The following CFAP299 variants were observed in gnomAD, a reference collection of about 807,000 sequenced individuals.
CFAP299 encodes the protein cilia- and flagella-associated protein 299.
CFAP299 carries 21 observed loss-of-function variants against 27.0 expected under a neutral mutation model. That is an observed-to-expected ratio of 0.78 (90% confidence interval 0.55 to 1.12). The LOEUF is 1.12. Ranked by LOEUF, CFAP299 falls within the 50% of genes most tolerant of loss-of-function variation. The probability of loss-of-function intolerance (pLI) is 0.00; values close to 1 mark genes in which losing one functional copy is unlikely to be tolerated. For synonymous variants in CFAP299, 104 were observed against 98.1 expected (o/e 1.06, Z -0.36); for missense variants, 310 against 276.6 (o/e 1.12, Z -0.86).
chr4:80,562,744 A>G (rs1355328985), intron 2 of CFAP299, among the ~76,000 whole-genome samples: 1 of 151,002 alleles, frequency 6.6e-6, no homozygotes, highest in East Asian at 1.9e-4. Flanking sequence ...ATAAAAAGAC[A>G]TAGAGTGGAT....
At chr4:80,500,801 C>A (rs1263456070) in intron 2 of CFAP299, among the ~76,000 whole-genome samples, 1 of 152,050 alleles carries the variant, frequency 6.6e-6, no homozygotes, top group Non-Finnish European at 1.5e-5. Flanking sequence ...ACAGACTGTT[C>A]TGGGCTAGGT....
intron 4 of CFAP299, among the ~76,000 whole-genome samples, chr4:80,877,355 G>T (rs920351648): frequency 1.3e-5 from 2 of 152,150 alleles, no homozygotes; most frequent in Non-Finnish European, 2.9e-5. Flanking sequence ...GCCATATACT[G>T]TGCATATAAC....
chr4:80,766,415 T>C (rs935841185), intron 3 of CFAP299, among the ~76,000 whole-genome samples: 2 of 152,200 alleles, frequency 1.3e-5, no homozygotes, highest in Non-Finnish European at 2.9e-5. Context: ...AATTAAATTT[T>C]ATCTCCTTTA....
Position 80,498,979 on chromosome 4 carries a change from C to A in CFAP299, c.243-84114C>A, listed in dbSNP as rs147398461. ...TGGAGCTGGAGGCCATTATCCTAAG[C>A]AAACTAATGCAGGAACAGAAAACAA... On this transcript the variant is annotated intron_variant, in intron 2 of 5. Transcript: ENST00000358105. 8.4e-3 allele frequency among the ~76,000 whole-genome samples: 1,276 copies of A among 152,186 alleles called. 12 individuals are homozygous for A. The highest frequency in any genetic ancestry group is 0.029 in the African/African-American group (1,190 of 41,524).
At chr4:80,333,357 C>A (rs77791039), upstream of CFAP299, among the ~76,000 whole-genome samples, 1 of 152,178 alleles carries the variant, frequency 6.6e-6, no homozygotes, top group African/African-American at 2.4e-5. Context: ...AGTTAACAAG[C>A]AGCTAGGCAA....
chr4:80,589,368 T>G (rs1482188725), intron 3 of CFAP299, among the ~76,000 whole-genome samples: 1 of 152,186 alleles, frequency 6.6e-6, no homozygotes, highest in African/African-American at 2.4e-5. Context: ...ATTACTTCCA[T>G]GTGATTAGTT....
intron 2 of CFAP299, among the ~76,000 whole-genome samples, chr4:80,457,702 C>G (rs1030850218): frequency 2.0e-5 from 3 of 152,160 alleles, no homozygotes; most frequent in African/African-American, 7.2e-5. Context: ...TCTATAACCA[C>G]ATGCTACTGT....
intron 3 of CFAP299, among the ~76,000 whole-genome samples, chr4:80,770,752 C>T (rs1726166133): frequency 6.6e-6 from 1 of 152,168 alleles, no homozygotes; most frequent in Non-Finnish European, 1.5e-5. Flanking sequence ...TTCCCAACCT[C>T]CCTCAGGTAG....
At chr4:80,757,932 C>G (rs976387006) in intron 3 of CFAP299, among the ~76,000 whole-genome samples, 2 of 152,092 alleles carry the variant, frequency 1.3e-5, no homozygotes, top group Non-Finnish European at 2.9e-5. Context: ...CATGGGTGAG[C>G]AGGTGAAGGA....
chr4:80,746,083 G>C (rs984932039), intron 3 of CFAP299, among the ~76,000 whole-genome samples: 11 of 151,974 alleles, frequency 7.2e-5, no homozygotes, highest in African/African-American at 1.7e-4. Flanking sequence ...CTTTTCTATA[G>C]ATAGAGAATT....
chr4:80,888,661 G>C (rs1244462782), intron 4 of CFAP299, among the ~76,000 whole-genome samples: 1 of 152,010 alleles, frequency 6.6e-6, no homozygotes, highest in Non-Finnish European at 1.5e-5. Context: ...AATGGCTGAA[G>C]AATACACATT....
At chr4:80,464,438 G>A (rs1473847497) in intron 2 of CFAP299, among the ~76,000 whole-genome samples, 3 of 152,194 alleles carry the variant, frequency 2.0e-5, no homozygotes, top group African/African-American at 7.2e-5. Flanking sequence ...GTATAGCCAT[G>A]AGTGTCTTTT....
chr4:80,909,806 C>G (rs1735376913), intron 4 of CFAP299, among the ~76,000 whole-genome samples: 1 of 151,978 alleles, frequency 6.6e-6, no homozygotes, highest in Admixed American at 6.6e-5. Context: ...CAGAAAGCAG[C>G]ATGCTTTAGA....
intron 4 of CFAP299, among the ~76,000 whole-genome samples, chr4:80,889,656 A>G (rs1734154098): frequency 6.6e-6 from 1 of 152,092 alleles, no homozygotes; most frequent in African/African-American, 2.4e-5. Context: ...CCAAAACCAG[A>G]CAAAAACATA....
At chr4:80,937,014 CT>C (rs1354786626) in intron 4 of CFAP299, among the ~76,000 whole-genome samples, 1 of 151,910 alleles carries the variant, frequency 6.6e-6, no homozygotes, top group Non-Finnish European at 1.5e-5. Flanking sequence ...CATTTTCTGG[CT>C]GGGTGATCTA....
intron 3 of CFAP299, among the ~76,000 whole-genome samples, chr4:80,593,149 G>A (rs1348159343): frequency 6.6e-6 from 1 of 152,132 alleles, no homozygotes; most frequent in Non-Finnish European, 1.5e-5. Flanking sequence ...CTATTCTTTG[G>A]ACCAACTGTA....
intron 5 of CFAP299, among the ~76,000 whole-genome samples, chr4:80,960,073 A>G (rs2109868711): frequency 6.6e-6 from 1 of 151,828 alleles, no homozygotes; most frequent in South Asian, 2.1e-4. Context: ...TTATAAGACA[A>G]AATTTTTGTT....
intron 3 of CFAP299, among the ~76,000 whole-genome samples, chr4:80,606,138 A>G (rs1220924807): frequency 6.6e-6 from 1 of 152,234 alleles, no homozygotes. Flanking sequence ...GGTGGTATGT[A>G]TTGTAAAAGT....
intron 3 of CFAP299, among the ~76,000 whole-genome samples, chr4:80,851,770 G>A (rs549588510): frequency 1.1e-4 from 16 of 152,202 alleles, no homozygotes; most frequent in Admixed American, 3.3e-4. Flanking sequence ...TTCATCTTCT[G>A]TTAAGCTGAT....
Sources: allele counts gnomAD v4.1 joint callset (sites outside exome capture counted in the v4.1 genomes callset), GRCh38; gene constraint gnomAD v4.1.1; transcripts MANE v1.5; gene names NCBI Gene and HGNC (gene_info 2026-07-23, HGNC 2026-07-21).